PCDHGA7: variants seen among roughly 807,000 people sequenced by gnomAD.
PCDHGA7 encodes the protein protocadherin gamma-A7.
A neutral mutation model predicts 58.3 loss-of-function variants in PCDHGA7; 44 were observed. The ratio of observed to expected loss-of-function variants is 0.75; its 90% CI spans 0.59 to 0.97. The LOEUF is 0.97. PCDHGA7 is among the 50% of genes least tolerant of loss of function. The probability of loss-of-function intolerance (pLI) is 0.00; values close to 1 mark genes in which losing one functional copy is unlikely to be tolerated. For synonymous variants in PCDHGA7, 516 were observed against 504.2 expected, an observed-to-expected ratio of 1.02 and a Z score of -0.31; for missense variants, 1,266 against 1,188.7, an observed-to-expected ratio of 1.06 and a Z score of -0.96.
chr5:141,476,656 T>C lies in PCDHGA7; in HGVS notation c.2425-18151T>C. 1 of 1,614,210 alleles carries C rather than the reference T, an allele frequency of 6.2e-7. No individual in the cohort carries two copies. Among genetic ancestry groups the C allele is most frequent in the Non-Finnish European group, 8.5e-7 (1 of 1,180,044 alleles). On this transcript the variant is annotated intron_variant, in intron 1 of 3. Coordinates refer to ENST00000518325, the MANE Select transcript of PCDHGA7 (RefSeq NM_018920.4). This position sits in a 1 kb window ranked among gnomAD's most constrained non-coding sequence, Gnocchi z 7.6. ...ATGAGCTGAGCCGAAATGAATACTT[T>C]GCGCTTCGCGTGCAGACGCGGGAGG...
At chr5:141,427,940 C>T (rs1391166364) in intron 1 of PCDHGA7, 1 of 1,585,904 alleles carries the variant, frequency 6.3e-7, no homozygotes. Context: ...TGGTGGGCGA[C>T]CTCAATGACA....
chr5:141,413,804 C>A, intron 1 of PCDHGA7: 7 of 1,613,194 alleles, frequency 4.3e-6, no homozygotes, highest in Non-Finnish European at 5.9e-6. Context: ...GAGGAAGAGG[C>A]CATTCACCAC....
chr5:141,395,414 T>A (rs1254527655), intron 1 of PCDHGA7: 7 of 780,958 alleles, frequency 9.0e-6, no homozygotes, highest in Non-Finnish European at 1.4e-5. Flanking sequence ...TAGGTTATTG[T>A]TTCATTTGCT....
At chr5:141,421,146 C>T in intron 1 of PCDHGA7, 1 of 1,015,090 alleles carries the variant, frequency 9.9e-7, no homozygotes, top group Non-Finnish European at 1.4e-6. Flanking sequence ...TGGATGTAGT[C>T]GGCCTAGGAC....
chr5:141,455,856 TTTTATTA>T (rs1315325745), intron 1 of PCDHGA7, among the ~76,000 whole-genome samples: 1 of 146,240 alleles, frequency 6.8e-6, no homozygotes, highest in East Asian at 2.0e-4. Flanking sequence ...AAATAATTTC[TTTTATTA>T]TTTATTTATT....
chr5:141,427,139 T>C (rs1430333586), intron 1 of PCDHGA7: 2 of 456,952 alleles, frequency 4.4e-6, no homozygotes, highest in East Asian at 1.4e-4. Context: ...TACGAGATGA[T>C]ATTGGAAATA....
rs2099606506 is a variant in PCDHGA7 at position 141,485,072 on chromosome 5, G to A, written c.2425-9735G>A. ...CCGGCCGAACCGCGCCAGAGCTGGC[G>A]CGGGGAAAGGGAGATAGGTGTCTCC... On this transcript the variant is annotated intron_variant, in intron 1 of 3. Transcript: ENST00000518325. This position sits in a 1 kb window ranked among gnomAD's most constrained non-coding sequence, Gnocchi z 5.7. 2 of 916,892 alleles carry A rather than the reference G, an allele frequency of 2.2e-6. No homozygotes were observed. The highest frequency in any genetic ancestry group is 3.4e-6 in the Non-Finnish European group (2 of 587,886). The allele number at this position is 916,892 out of a possible 1,614,324, so 56.8% of individuals were successfully genotyped here.
At chr5:141,505,361 A>G (rs2099845711) in intron 2 of PCDHGA7, 32 bp from the exon 3 acceptor site, 1 of 1,613,910 alleles carries the variant, frequency 6.2e-7, no homozygotes, top group South Asian at 1.1e-5. Context: ...CCGGCCTGGG[A>G]GTCTGTGCTC....
chr5:141,387,037 A>G (rs2090794833), intron 1 of PCDHGA7, among the ~76,000 whole-genome samples: 1 of 152,258 alleles, frequency 6.6e-6, no homozygotes, highest in Non-Finnish European at 1.5e-5. Flanking sequence ...TTTCATAACC[A>G]GTAAAATAAT....
intron 2 of PCDHGA7, among the ~76,000 whole-genome samples, chr5:141,503,638 T>C (rs1467962880): frequency 1.3e-5 from 2 of 151,908 alleles, no homozygotes; most frequent in Non-Finnish European, 2.9e-5. Flanking sequence ...AAATAATTAT[T>C]GAATCAATGG....
At chr5:141,411,783 G>C (rs1191623081) in intron 1 of PCDHGA7, 1 of 152,338 alleles carries the variant, frequency 6.6e-6, no homozygotes, top group Non-Finnish European at 1.5e-5. Context: ...TCTGGTGGCT[G>C]TGGTGGGAGA....
intron 1 of PCDHGA7, among the ~76,000 whole-genome samples, chr5:141,471,737 A>G (rs2099263581): frequency 6.6e-6 from 1 of 152,232 alleles, no homozygotes; most frequent in Non-Finnish European, 1.5e-5. Context: ...AAGGTTGGAG[A>G]CATAACATAT....
intron 1 of PCDHGA7, chr5:141,388,966 G>A: frequency 1.2e-6 from 2 of 1,614,014 alleles, no homozygotes; most frequent in Non-Finnish European, 1.7e-6. Flanking sequence ...GCCGAGCTGG[G>A]AACACATATT....
chr5:141,409,018 G>A (rs369210340), intron 1 of PCDHGA7: 31 of 1,613,814 alleles, frequency 1.9e-5, no homozygotes, highest in Non-Finnish European at 2.5e-5. Context: ...AGGATGAGGG[G>A]GTCAATGCTG....
chr5:141,422,746 T>G (rs763386007), intron 1 of PCDHGA7: 1 of 1,611,014 alleles, frequency 6.2e-7, no homozygotes, highest in Non-Finnish European at 8.5e-7. Context: ...CTCCTATGTC[T>G]CTATTAACTC....
At chr5:141,421,351 A>G in intron 1 of PCDHGA7, 2 of 1,613,988 alleles carry the variant, frequency 1.2e-6, no homozygotes, top group Non-Finnish European at 1.7e-6. Flanking sequence ...AGAGACCGAA[A>G]AGGGCTCCTT....
intron 1 of PCDHGA7, chr5:141,478,814 C>T (rs1271237848): frequency 6.9e-7 from 1 of 1,451,050 alleles, no homozygotes; most frequent in East Asian, 2.5e-5. Context: ...GCTATCACAA[C>T]TAACCAATCT....
intron 1 of PCDHGA7, chr5:141,426,519 C>T: frequency 8.8e-6 from 3 of 341,848 alleles, no homozygotes; most frequent in South Asian, 6.9e-5. Flanking sequence ...TTACCGTGAA[C>T]ACGGAGAATG....
At chr5:141,427,529 G>A (rs1464520351) in intron 1 of PCDHGA7, 1 of 619,898 alleles carries the variant, frequency 1.6e-6, no homozygotes, top group African/African-American at 1.8e-5. Context: ...GGATCCCGGA[G>A]TACAACGTCA....
Sources: gnomAD v4.1 joint callset for allele counts (sites outside exome capture counted in the v4.1 genomes callset) on GRCh38, gnomAD v4.1.1 for gene constraint, Gnocchi (gnomAD v3.1) non-coding constraint, MANE v1.5 for transcripts, NCBI Gene and HGNC (gene_info 2026-07-23, HGNC 2026-07-21) for gene names.